PRRC2C: variants seen among roughly 807,000 people sequenced by gnomAD.
The protein encoded by PRRC2C is protein PRRC2C.
A neutral mutation model predicts 317.2 loss-of-function variants in PRRC2C; 72 were observed. The observed-to-expected ratio is 0.23, with a 90% CI of 0.19 to 0.28. PRRC2C has a LOEUF of 0.28. Among genes scored for constraint, PRRC2C ranks in the 10% least tolerant of loss-of-function variants. The pLI is 1.00. For missense variants in PRRC2C, 3,074 were observed against 3,459.7 expected (o/e 0.89, Z 2.80); for synonymous variants, 1,296 against 1,205.9 (o/e 1.07, Z -1.55).
chr1:171,529,167 T>G (rs1675308666), intron 11 of PRRC2C, among the ~76,000 whole-genome samples: 1 of 152,216 alleles, frequency 6.6e-6, no homozygotes, highest in African/African-American at 2.4e-5. Context: ...CTATTCCTTC[T>G]GGGCCTCCTA....
intron 6 of PRRC2C, 40 bp downstream of exon 6, chr1:171,517,854 T>A (rs1672662761): frequency 6.4e-7 from 1 of 1,568,594 alleles, no homozygotes; most frequent in Non-Finnish European, 8.7e-7. Context: ...AACAAGTGGT[T>A]TTTGATCTGG....
intron 29 of PRRC2C, 57 bp downstream of exon 29, chr1:171,584,244 T>G (rs1275980186): frequency 2.7e-6 from 4 of 1,456,422 alleles, no homozygotes; most frequent in Non-Finnish European, 3.8e-6. Flanking sequence ...CACAGATCAT[T>G]TTAAGGAAAC....
Position 171,499,303 on chromosome 1 carries a change from G to T in PRRC2C, c.-57-12729G>T, listed in dbSNP as rs530705887. Among the ~76,000 whole-genome samples, 134 of 152,312 alleles carry T rather than the reference G, an allele frequency of 8.8e-4. 1 individual carries two copies. Among genetic ancestry groups the T allele is most frequent in the African/African-American group, 3.0e-3 (125 of 41,566 alleles). On this transcript the variant is annotated intron_variant, in intron 1 of 34. Coordinates refer to ENST00000647382, the MANE Select transcript of PRRC2C (RefSeq NM_001387844.1). ...GTAGACACTGGGTAAATATTTGTAC[G>T]AGTGAATAGGGGAACTAATCATTTT... is the stretch of plus-strand genomic sequence containing the variant.
At chr1:171,485,966 C>T (rs1665961339) in intron 1 of PRRC2C, among the ~76,000 whole-genome samples, 3 of 152,046 alleles carry the variant, frequency 2.0e-5, no homozygotes, top group Admixed American at 2.0e-4. Context: ...TCAGACCCGC[C>T]CCATGTGGTC....
Position 171,485,554 on chromosome 1 carries a change from C to G in PRRC2C, c.-239C>G, listed in dbSNP as rs567882295. 1 of 152,710 alleles carries G rather than the reference C, an allele frequency of 6.5e-6. No individual in the cohort carries two copies. Among genetic ancestry groups the G allele is most frequent in the Non-Finnish European group, 1.5e-5 (1 of 68,086 alleles). 9.5% of individuals were successfully genotyped at this position (152,710 alleles called of 1,614,324 possible). Reference sequence around the variant, plus strand: ...CGCCATCTTGCTTCTTTTTCTCGCTCGCTCGCTCCCCCTCGGAAAGCTGCG... The same window carrying G: ...CGCCATCTTGCTTCTTTTTCTCGCTGGCTCGCTCCCCCTCGGAAAGCTGCG... On this transcript the variant is annotated 5_prime_UTR_variant, in exon 1 of 35. Transcript: ENST00000647382.
At position 171,494,554 on chromosome 1, in the gene PRRC2C, C is replaced by G. The variant is rs1356893079; in HGVS notation, c.-58+8819C>G. 2.0e-5 allele frequency among the ~76,000 whole-genome samples: 3 copies of G among 152,250 alleles called. No homozygotes were observed. The South Asian group carries it at 6.2e-4, about 32-fold the overall frequency. The stretch of plus-strand genomic sequence containing the variant: ...TGTAAGTGGCCAATTCAACTTCTTA[C>G]TCAAAGCAAGAATTATCTTTATAAT... On this transcript the variant is annotated intron_variant, in intron 1 of 34. Coordinates refer to ENST00000647382, the MANE Select transcript of PRRC2C (RefSeq NM_001387844.1).
Position 171,550,226 on chromosome 1 carries a change from G to A in PRRC2C, c.5113G>A (p.Glu1705Lys). The A allele has an allele frequency of 6.3e-7, 1 of 1,597,418 alleles. No individual in the cohort carries two copies. Among genetic ancestry groups the A allele is most frequent in the East Asian group, 2.2e-5 (1 of 44,502 alleles). The change falls in exon 18 of 35, where the codon GAA becomes AAA. Residue 1705 changes from glutamate (E) to lysine (K), a missense_variant. Physicochemically the swap from Glu to Lys is moderately conservative, Grantham distance 56. Coordinates refer to ENST00000647382, the MANE Select transcript of PRRC2C (RefSeq NM_001387844.1). ...LQDEERRKKE[E>K]QVIQVWNKKN... is the part of the protein sequence containing the mutation. ...GGATGAAGAACGCCGAAAGAAGGAA[G>A]AACAAGTCATACAGGTTTAAATCTT...
chr1:171,589,682 C>G (rs1558064055), intron 34 of PRRC2C, 77 bp downstream of exon 34: 1 of 1,009,392 alleles, frequency 9.9e-7, no homozygotes, highest in Non-Finnish European at 1.3e-6. Flanking sequence ...GGACCCATAA[C>G]TGTATATCCA....
chr1:171,587,577 A>G (rs1650336392), intron 31 of PRRC2C, 71 bp from the exon 32 acceptor site: 2 of 1,059,906 alleles, frequency 1.9e-6, no homozygotes, highest in South Asian at 2.8e-5. Context: ...CTTCACGTAT[A>G]GGACATGTAA....
At position 171,489,980 on chromosome 1, in the gene PRRC2C, C is replaced by T. The variant is rs181524122; in HGVS notation, c.-58+4245C>T. Among the ~76,000 whole-genome samples the T allele has an allele frequency of 3.0e-3, 460 of 152,030 alleles. 1 individual carries two copies. Among genetic ancestry groups the T allele is most frequent in the African/African-American group, 0.011 (438 of 41,472 alleles). Reference sequence around the variant, plus strand: ...CGTTGCCCAGGCTGGAGTGCAGTGGCGCTATCTTGGCTCACTGCAACCTCT... The same window carrying T: ...CGTTGCCCAGGCTGGAGTGCAGTGGTGCTATCTTGGCTCACTGCAACCTCT... On this transcript the variant is annotated intron_variant, in intron 1 of 34. Transcript: ENST00000647382.
At chr1:171,505,886 T>A (rs1260952765) in intron 1 of PRRC2C, among the ~76,000 whole-genome samples, 3 of 152,208 alleles carry the variant, frequency 2.0e-5, no homozygotes, top group Non-Finnish European at 4.4e-5. Context: ...ACTGTACGCT[T>A]TCTATGTTTA....
intron 10 of PRRC2C, among the ~76,000 whole-genome samples, chr1:171,526,803 A>ATTTTTTT (rs1557918055): frequency 5.8e-5 from 5 of 85,792 alleles, no homozygotes; most frequent in African/African-American, 9.5e-5. Flanking sequence ...TCAGAAATAT[A>ATTTTTTT]TCTTTTTTTT....
At chr1:171,556,263 T>G (rs1211232938) in intron 18 of PRRC2C, among the ~76,000 whole-genome samples, 1 of 152,180 alleles carries the variant, frequency 6.6e-6, no homozygotes, top group African/African-American at 2.4e-5. Context: ...GGTGTGCCGT[T>G]TGCTAAGACC....
At chr1:171,526,729 T>C (rs2102376588) in intron 10 of PRRC2C, among the ~76,000 whole-genome samples, 1 of 151,876 alleles carries the variant, frequency 6.6e-6, no homozygotes, top group South Asian at 2.1e-4. Context: ...AGTGATATGC[T>C]TTTATTTAAA....
intron 1 of PRRC2C, among the ~76,000 whole-genome samples, chr1:171,501,244 C>T (rs1023936272): frequency 6.6e-6 from 1 of 152,164 alleles, no homozygotes; most frequent in Non-Finnish European, 1.5e-5. Context: ...GTCCTCCGTG[C>T]CTCAGCCTCC....
intron 19 of PRRC2C, among the ~76,000 whole-genome samples, chr1:171,559,889 C>G (rs1201429993): frequency 1.3e-5 from 2 of 152,016 alleles, no homozygotes; most frequent in Non-Finnish European, 1.5e-5. Context: ...AAAAGCTTTC[C>G]TTCAAAATAT....
At chr1:171,580,343 G>A (rs1049876118) in intron 28 of PRRC2C, among the ~76,000 whole-genome samples, 1 of 152,124 alleles carries the variant, frequency 6.6e-6, no homozygotes. Flanking sequence ...CATGTTAGGG[G>A]GTGCAGGGCA....
intron 1 of PRRC2C, among the ~76,000 whole-genome samples, chr1:171,497,207 G>A (rs1668286400): frequency 6.6e-6 from 1 of 152,116 alleles, no homozygotes; most frequent in South Asian, 2.1e-4. Context: ...ATCATTTAGG[G>A]TCTCTTAAGT....
chr1:171,568,163 T>G, intron 22 of PRRC2C, 84 bp from the exon 23 acceptor site: 1 of 1,459,346 alleles, frequency 6.9e-7, no homozygotes, highest in East Asian at 2.6e-5. Context: ...CCAGCCTGCA[T>G]GATAGCGAGA....
Sources: gnomAD v4.1 joint callset for allele counts (sites outside exome capture counted in the v4.1 genomes callset) on GRCh38, gnomAD v4.1.1 for gene constraint, MANE v1.5 for transcripts, NCBI Gene and HGNC (gene_info 2026-07-23, HGNC 2026-07-21) for gene names.